Variants in ZMYND11 observed in about 807,000 individuals in gnomAD.
ZMYND11 encodes the protein zinc finger MYND domain-containing protein 11.
In ZMYND11, 9 loss-of-function variants were observed where a neutral mutation model predicts 84.9. The observed-to-expected ratio is 0.11, with a 90% CI of 0.06 to 0.18. The LOEUF is 0.18. Ranked by LOEUF, ZMYND11 falls within the 10% of genes least tolerant of loss-of-function variation. ZMYND11 has a pLI of 1.00. For synonymous variants in ZMYND11, 250 were observed against 244.1 expected (o/e 1.02, Z -0.23); for missense variants, 409 against 761.0 (o/e 0.54, Z 5.44).
intron 6 of ZMYND11, among the ~76,000 whole-genome samples, chr10:238,136 G>A (rs915071982): frequency 3.9e-5 from 6 of 152,152 alleles, no homozygotes; most frequent in Admixed American, 1.3e-4. Context: ...ATTCTTAAAG[G>A]TCTTAATTTT....
chr10:220,651 C>G (rs1275041966), intron 3 of ZMYND11, among the ~76,000 whole-genome samples: 3 of 152,156 alleles, frequency 2.0e-5, no homozygotes, highest in Admixed American at 6.5e-5. Context: ...GAAAATCTGA[C>G]ATCCTATCAG....
At chr10:152,846 AATT>A (rs1554757505) in intron 1 of ZMYND11, among the ~76,000 whole-genome samples, 2 of 152,220 alleles carry the variant, frequency 1.3e-5, no homozygotes, top group East Asian at 3.9e-4. Context: ...AAAGAACAGA[AATT>A]ATAACAAACT....
intron 4 of ZMYND11, among the ~76,000 whole-genome samples, chr10:223,485 T>A: frequency 6.6e-6 from 1 of 152,210 alleles, no homozygotes; most frequent in East Asian, 1.9e-4. Context: ...ATTTTTATAC[T>A]GCTATATAAT....
intron 1 of ZMYND11, among the ~76,000 whole-genome samples, chr10:162,436 C>T (rs1210522570): frequency 6.6e-6 from 1 of 150,904 alleles, no homozygotes; most frequent in Non-Finnish European, 1.5e-5. Flanking sequence ...GTTGCCACAT[C>T]AGATTTTTTT....
At chr10:212,013 G>A (rs1000455700) in intron 3 of ZMYND11, among the ~76,000 whole-genome samples, 4 of 152,160 alleles carry the variant, frequency 2.6e-5, no homozygotes, top group Admixed American at 2.6e-4. Context: ...AGACTATAGT[G>A]ATAATATCCA....
chr10:150,036 G>C lies in ZMYND11; in HGVS notation c.-20+14477G>C, dbSNP rs563000792. On this transcript the variant is annotated intron_variant, in intron 1 of 14. Coordinates refer to ENST00000381604, the MANE Select transcript of ZMYND11 (RefSeq NM_001370100.5). ...TGCCAGTATTTTATTGAGGATTTTTGCATCAATGTTCATCAGGGATATTGG... is the reference window on the plus strand; with the variant it reads ...TGCCAGTATTTTATTGAGGATTTTTCCATCAATGTTCATCAGGGATATTGG... 1.5e-3 allele frequency among the ~76,000 whole-genome samples: 229 copies of C among 152,272 alleles called. 2 individuals are homozygous for C. Among genetic ancestry groups the C allele is most frequent in the Admixed American group, 2.1e-3 (32 of 15,294 alleles).
rs553168964 is a variant in ZMYND11, at chr10:152,896, G to A, written c.-20+17337G>A. Reference sequence around the variant, plus strand: ...CACAGTGCAATCAAACTAGAACTCAGGATTAAGAACTCACTCAAAACCGCT... The same window carrying A: ...CACAGTGCAATCAAACTAGAACTCAAGATTAAGAACTCACTCAAAACCGCT... On this transcript the variant is annotated intron_variant, in intron 1 of 14. Transcript: ENST00000381604. 2.6e-5 allele frequency among the ~76,000 whole-genome samples: 4 copies of A among 152,300 alleles called. No individual in the cohort carries two copies. In the South Asian group the frequency reaches 8.3e-4, roughly 32 times the overall value.
At chr10:188,511 T>C (rs555810634) in intron 2 of ZMYND11, among the ~76,000 whole-genome samples, 1 of 151,594 alleles carries the variant, frequency 6.6e-6, no homozygotes, top group Non-Finnish European at 1.5e-5. Flanking sequence ...GAGGATGGCT[T>C]GAGCCTGGAA....
At chr10:195,322 A>G (rs1259398296) in intron 2 of ZMYND11, among the ~76,000 whole-genome samples, 1 of 152,246 alleles carries the variant, frequency 6.6e-6, no homozygotes, top group Non-Finnish European at 1.5e-5. Flanking sequence ...TACAAGAACG[A>G]ATAATGAGCA....
At chr10:212,920 T>TG (rs1413306831) in intron 3 of ZMYND11, among the ~76,000 whole-genome samples, 1 of 152,154 alleles carries the variant, frequency 6.6e-6, no homozygotes, top group Non-Finnish European at 1.5e-5. Context: ...TCTAAAATAA[T>TG]GAGACAAATT....
chr10:182,734 T>C (rs1421364023), intron 2 of ZMYND11, among the ~76,000 whole-genome samples: 3 of 152,264 alleles, frequency 2.0e-5, no homozygotes, highest in Non-Finnish European at 2.9e-5. Context: ...CCAGTGCCTT[T>C]GCTTCTTGGC....
At position 236,935 on chromosome 10, in the gene ZMYND11, T is replaced by C; in HGVS notation, c.516+20T>C. On this transcript the variant is annotated intron_variant, in intron 5 of 14. Coordinates refer to ENST00000381604, the MANE Select transcript of ZMYND11 (RefSeq NM_001370100.5). ...GAGAGGGTGAGTCCTGCTCAGGGAA[T>C]CTTTCAAAATATCCCAAAACACATT... is the stretch of plus-strand genomic sequence containing the variant. 6.3e-7 allele frequency: 1 copy of C among 1,598,248 alleles called. No homozygotes were observed. Among genetic ancestry groups the C allele is most frequent in the South Asian group, 1.1e-5 (1 of 87,674 alleles).
In ZMYND11 at chr10:248,550, G is replaced by A. The variant is rs747639088; in HGVS notation, c.1442G>A (p.Arg481Gln). 5 of 1,613,820 alleles carry A rather than the reference G, an allele frequency of 3.1e-6. No individual in the cohort carries two copies. Among genetic ancestry groups the A allele is most frequent in the Admixed American group, 1.7e-5 (1 of 60,020 alleles). Reference sequence around the variant, plus strand: ...AAGATCTTCAATGACTTCAAAGACCGGATGAAGTCGGACCACAAGCGGGAG... The same window carrying A: ...AAGATCTTCAATGACTTCAAAGACCAGATGAAGTCGGACCACAAGCGGGAG... ...YTKIFNDFKD[R>Q]MKSDHKRETE... The change falls in exon 13 of 15, where the codon CGG becomes CAG. Residue 481 changes from arginine (R) to glutamine (Q), a missense_variant. This residue lies in a region of ZMYND11 where 141 missense variants were observed against 173.8 expected (regional missense o/e 0.81). Coordinates refer to ENST00000381604, the MANE Select transcript of ZMYND11 (RefSeq NM_001370100.5).
Position 242,151 on chromosome 10 carries a change from T to A in ZMYND11, c.950+12T>A, listed in dbSNP as rs780871042. 1.7e-5 allele frequency: 28 copies of A among 1,613,738 alleles called. No homozygotes were observed. Among genetic ancestry groups the A allele is most frequent in the Non-Finnish European group, 2.2e-5 (26 of 1,179,892 alleles). On this transcript the variant is annotated intron_variant, in intron 10 of 14. Transcript: ENST00000381604. ...CACCACCACCAGAGGTAATTTGTGATCCCATGTTCAGCGGTCACAGCTGTG... is the reference window on the plus strand; with the variant it reads ...CACCACCACCAGAGGTAATTTGTGAACCCATGTTCAGCGGTCACAGCTGTG...
At chr10:142,264 C>A (rs1459639389) in intron 1 of ZMYND11, among the ~76,000 whole-genome samples, 5 of 152,128 alleles carry the variant, frequency 3.3e-5, no homozygotes, top group African/African-American at 1.2e-4. Flanking sequence ...CCATGCCTGG[C>A]TAATTTTTTG....
chr10:202,852 T>G (rs997029839), intron 2 of ZMYND11, among the ~76,000 whole-genome samples: 1 of 152,192 alleles, frequency 6.6e-6, no homozygotes, highest in Non-Finnish European at 1.5e-5. Context: ...AGCAGACCTC[T>G]TCTTGTGTTG....
At chr10:150,767 A>G (rs1554756802) in intron 1 of ZMYND11, among the ~76,000 whole-genome samples, 1 of 152,214 alleles carries the variant, frequency 6.6e-6, no homozygotes, top group Non-Finnish European at 1.5e-5. Flanking sequence ...TTGAGATCTG[A>G]GAACGGACAG....
At chr10:190,603 C>T (rs931064968) in intron 2 of ZMYND11, among the ~76,000 whole-genome samples, 1 of 152,176 alleles carries the variant, frequency 6.6e-6, no homozygotes, top group Non-Finnish European at 1.5e-5. Flanking sequence ...TTGATTTCCT[C>T]ATTATTGATA....
chr10:189,234 C>G (rs1008249470), intron 2 of ZMYND11, among the ~76,000 whole-genome samples: 3 of 152,206 alleles, frequency 2.0e-5, no homozygotes, highest in African/African-American at 7.2e-5. Flanking sequence ...GTCCTCATCA[C>G]GTGCAGGTTG....
Sources: gnomAD v4.1 joint callset for allele counts (sites outside exome capture counted in the v4.1 genomes callset) on GRCh38, gnomAD v4.1.1 for gene constraint, gnomAD v4.1.1 regional missense constraint, MANE v1.5 for transcripts, NCBI Gene and HGNC (gene_info 2026-07-23, HGNC 2026-07-21) for gene names.